The following NSL1 variants were observed in gnomAD, a reference collection of about 807,000 sequenced individuals.
NSL1 encodes the protein NSL1 component of MIS12 kinetochore complex.
A neutral mutation model predicts 25.4 loss-of-function variants in NSL1; 11 were observed. The ratio of observed to expected loss-of-function variants is 0.43; its 90% CI spans 0.27 to 0.72. NSL1 has a LOEUF of 0.72. Ranked by LOEUF, NSL1 falls within the 30% of genes least tolerant of loss-of-function variation. The probability of loss-of-function intolerance (pLI) is 0.19; values close to 1 mark genes in which losing one functional copy is unlikely to be tolerated. For missense variants in NSL1, 330 were observed against 342.7 expected, an observed-to-expected ratio of 0.96 and a Z score of 0.29; for synonymous variants, 118 against 120.6, an observed-to-expected ratio of 0.98 and a Z score of 0.14.
chr1:212,777,889 T>A (rs1423305120), intron 4 of NSL1, among the ~76,000 whole-genome samples: 2 of 152,200 alleles, frequency 1.3e-5, no homozygotes, highest in African/African-American at 4.8e-5. Flanking sequence ...TTTCGAAGAA[T>A]AAAATAATCA....
intron 4 of NSL1, among the ~76,000 whole-genome samples, chr1:212,781,310 T>C (rs948375502): frequency 2.0e-5 from 3 of 152,232 alleles, no homozygotes; most frequent in Non-Finnish European, 4.4e-5. Flanking sequence ...AAATTAACTG[T>C]ATCTAAAAAG....
intron 5 of NSL1, 35 bp downstream of exon 5, chr1:212,739,499 T>G: frequency 6.2e-7 from 1 of 1,601,676 alleles, no homozygotes; most frequent in African/African-American, 1.3e-5. Context: ...ATACATTTTG[T>G]TCATTTGATA....
rs1294949959 is a variant in NSL1, at chr1:212,729,036, A to C, written c.*9372T>G. ...ATTTGTCAATCTGAAATTTTTTTTA[A>C]AGGAAGAATACTTGGGTTGGGCTTA... On this transcript the variant is annotated 3_prime_UTR_variant, in exon 6 of 6. Coordinates refer to ENST00000366977, the MANE Select transcript of NSL1 (RefSeq NM_015471.4). 5 of 985,326 alleles carry C rather than the reference A, an allele frequency of 5.1e-6. No homozygotes were observed. Among genetic ancestry groups the C allele is most frequent in the Non-Finnish European group, 4.8e-6 (4 of 829,928 alleles). 61.0% of individuals were successfully genotyped at this position (985,326 alleles called of 1,614,324 possible).
Position 212,787,641 on chromosome 1 carries a change from C to A in NSL1, c.235-4G>T. On this transcript the variant is annotated splice_polypyrimidine_tract_variant and splice_region_variant and intron_variant, in intron 1 of 5. Transcript: ENST00000366977. ...CTTGCACAGCTGATTCAAAAGTCTG[C>A]AATAAATTCACAGTAGTCAAGTCAC... The A allele has an allele frequency of 6.3e-7, 1 of 1,585,786 alleles. No homozygotes were observed. The highest frequency in any genetic ancestry group is 1.7e-4 in the Middle Eastern group (1 of 5,996).
chr1:212,731,094 A>G lies in NSL1; in HGVS notation c.*7314T>C. 1.0e-6 allele frequency: 1 copy of G among 985,204 alleles called. No individual in the cohort carries two copies. The highest frequency in any genetic ancestry group is 1.2e-6 in the Non-Finnish European group (1 of 829,790). The allele number at this position is 985,204 out of a possible 1,614,324, so 61.0% of individuals were successfully genotyped here. On this transcript the variant is annotated 3_prime_UTR_variant, in exon 6 of 6. Transcript: ENST00000366977. ...CAAATCCTTTCATATAAAATCCCCAAGAACCCCCTTCAGTGGTTCTCTAGA... is the reference window on the plus strand; with the variant it reads ...CAAATCCTTTCATATAAAATCCCCAGGAACCCCCTTCAGTGGTTCTCTAGA...
chr1:212,749,375 C>T (rs577820122), intron 4 of NSL1, among the ~76,000 whole-genome samples: 6 of 117,886 alleles, frequency 5.1e-5, no homozygotes, highest in East Asian at 2.6e-4. Context: ...GACAGGGTCT[C>T]GATCTGTCAC....
Position 212,728,912 on chromosome 1 carries a change from C to T in NSL1, c.*9496G>A, listed in dbSNP as rs1657895022. ...CAGAGTCCACCACTCTGGCAAAGAG[C>T]AGTGTTTATTTGTGTGTTTGAACGT... On this transcript the variant is annotated 3_prime_UTR_variant, in exon 6 of 6. Coordinates refer to ENST00000366977, the MANE Select transcript of NSL1 (RefSeq NM_015471.4). 1.0e-6 allele frequency: 1 copy of T among 985,298 alleles called. No individual in the cohort carries two copies. The highest frequency in any genetic ancestry group is 1.2e-6 in the Non-Finnish European group (1 of 829,914). The allele number at this position is 985,298 out of a possible 1,614,324, so 61.0% of individuals were successfully genotyped here.
intron 4 of NSL1, among the ~76,000 whole-genome samples, chr1:212,772,217 C>T (rs184997773): frequency 2.8e-4 from 42 of 152,286 alleles, no homozygotes; most frequent in African/African-American, 9.6e-4. Context: ...AGCATGAAAA[C>T]AGACTAGTAC....
chr1:212,785,033 C>T (rs889125103), intron 2 of NSL1, among the ~76,000 whole-genome samples: 9 of 152,012 alleles, frequency 5.9e-5, no homozygotes, highest in African/African-American at 2.2e-4. Flanking sequence ...TAAATGGCTA[C>T]AGAATAAAGT....
In NSL1 at chr1:212,735,919, G is replaced by A. The variant is rs1658215912; in HGVS notation, c.*2489C>T. 1 of 979,402 alleles carries A rather than the reference G, an allele frequency of 1.0e-6. No homozygotes were observed. Among genetic ancestry groups the A allele is most frequent in the East Asian group, 1.1e-4 (1 of 8,800 alleles). 60.7% of individuals were successfully genotyped at this position (979,402 alleles called of 1,614,324 possible). A position where few individuals can be genotyped will look rare whatever the true frequency, so the allele number is the denominator to read the frequency against. ...AAGTATCTGTTGTTTAAGCCACCCA[G>A]CCTGTGGTATTCTGTTATAGTAGCC... is the stretch of plus-strand genomic sequence containing the variant. On this transcript the variant is annotated 3_prime_UTR_variant, in exon 6 of 6. Coordinates refer to ENST00000366977, the MANE Select transcript of NSL1 (RefSeq NM_015471.4).
At chr1:212,748,908 A>G (rs1658931031) in intron 4 of NSL1, among the ~76,000 whole-genome samples, 1 of 152,206 alleles carries the variant, frequency 6.6e-6, no homozygotes, top group Admixed American at 6.5e-5. Context: ...TATTTTTAAA[A>G]ATACAATAAA....
intron 4 of NSL1, among the ~76,000 whole-genome samples, chr1:212,759,672 C>T (rs1659469522): frequency 1.3e-5 from 2 of 152,086 alleles, no homozygotes; most frequent in African/African-American, 4.8e-5. Context: ...TCCCTAGGGC[C>T]CAAAAGCCCC....
rs1228900407 is a variant in NSL1, at chr1:212,728,867, AGTGCTGGGG to A, written c.*9532_*9540del. The A allele has an allele frequency of 1.0e-6, 1 of 985,242 alleles. No individual in the cohort carries two copies. The highest frequency in any genetic ancestry group is 6.2e-5 in the Admixed American group (1 of 16,254). The allele number at this position is 985,242 out of a possible 1,614,324, so 61.0% of individuals were successfully genotyped here. ...GTGTTTGCAGGAGGGCAAGACTGGG[AGTGCTGGGG>A]GTGGGGAGGCCAGAGTCCACCACTC... On this transcript the variant is annotated 3_prime_UTR_variant, in exon 6 of 6. Coordinates refer to ENST00000366977, the MANE Select transcript of NSL1 (RefSeq NM_015471.4).
In NSL1 at chr1:212,738,425, T is replaced by G. The variant is rs1186569789; in HGVS notation, c.829A>C (p.Ile277Leu). The stretch of plus-strand genomic sequence containing the variant: ...GAAAGAGCTCATGTATCAAGATTAA[T>G]TTTCTTTGGCCGCAATGGATACCAT... ...RKWYPLRPKKINLDT is the reference protein window; with the variant it reads ...RKWYPLRPKKLNLDT The change falls in exon 6 of 6, where the codon ATT becomes CTT. Residue 277 changes from isoleucine to leucine, a missense_variant. Transcript: ENST00000366977. 1.1e-5 allele frequency: 18 copies of G among 1,611,384 alleles called. No homozygotes were observed. Among genetic ancestry groups the G allele is most frequent in the South Asian group, 8.8e-5 (8 of 90,706 alleles).
rs1020337821 is a variant in NSL1 at position 212,737,485 on chromosome 1, G to C, written c.*923C>G. The stretch of plus-strand genomic sequence containing the variant: ...CTGTATAATGTAAGACACACAATAA[G>C]AGCTATAAGAAACTATAGTTAAATG... On this transcript the variant is annotated 3_prime_UTR_variant, in exon 6 of 6. Transcript: ENST00000366977. The C allele has an allele frequency of 1.0e-6, 1 of 983,996 alleles. No homozygotes were observed. Among genetic ancestry groups the C allele is most frequent in the Non-Finnish European group, 1.2e-6 (1 of 828,768 alleles). The allele number at this position is 983,996 out of a possible 1,614,324, so 61.0% of individuals were successfully genotyped here. A position where few individuals can be genotyped will look rare whatever the true frequency, so the allele number is the denominator to read the frequency against.
intron 1 of NSL1, among the ~76,000 whole-genome samples, chr1:212,788,367 T>C (rs1661037755): frequency 6.6e-6 from 1 of 152,204 alleles, no homozygotes; most frequent in African/African-American, 2.4e-5. Flanking sequence ...GAGCTATGAT[T>C]GCCACTGTAC....
chr1:212,783,365 A>C (rs552939866), intron 3 of NSL1, among the ~76,000 whole-genome samples: 1 of 152,286 alleles, frequency 6.6e-6, no homozygotes, highest in East Asian at 1.9e-4. Context: ...TTCCTGAAAA[A>C]AACTTTCAAG....
At position 212,735,119 on chromosome 1, in the gene NSL1, A is replaced by C. The variant is rs1658180446; in HGVS notation, c.*3289T>G. The stretch of plus-strand genomic sequence containing the variant: ...ACTTGCCCAATGTCACTGAACTAAT[A>C]ATGGTAGAACTGCAATCTGAACCCA... On this transcript the variant is annotated 3_prime_UTR_variant, in exon 6 of 6. Transcript: ENST00000366977. Among the ~76,000 whole-genome samples the C allele has an allele frequency of 6.6e-6, 1 of 152,236 alleles. No homozygotes were observed. The highest frequency in any genetic ancestry group is 1.5e-5 in the Non-Finnish European group (1 of 68,042).
Position 212,791,769 on chromosome 1 carries a change from G to T in NSL1, c.-6C>A. 2.5e-6 allele frequency: 4 copies of T among 1,602,176 alleles called. No individual in the cohort carries two copies. The highest frequency in any genetic ancestry group is 3.4e-6 in the Non-Finnish European group (4 of 1,172,670). ...AACTCAGGAGACCCCGCCATTTTTC[G>T]TCGGAACTGTGGGCGGGGCACTCTG... is the stretch of plus-strand genomic sequence containing the variant. On this transcript the variant is annotated 5_prime_UTR_variant, in exon 1 of 6. Transcript: ENST00000366977.
Sources: allele counts gnomAD v4.1 joint callset (sites outside exome capture counted in the v4.1 genomes callset), GRCh38; gene constraint gnomAD v4.1.1; transcripts MANE v1.5; gene names NCBI Gene and HGNC (gene_info 2026-07-23, HGNC 2026-07-21).